The following TCAIM variants were observed in gnomAD, a reference collection of about 807,000 sequenced individuals.
TCAIM encodes T-cell activation inhibitor, mitochondrial.
A neutral mutation model predicts 58.6 loss-of-function variants in TCAIM; 36 were observed. The ratio of observed to expected loss-of-function variants is 0.61; its 90% CI spans 0.47 to 0.81. TCAIM has a LOEUF of 0.81. TCAIM is among the 30% of genes least tolerant of loss of function. The pLI is 0.00. For synonymous variants in TCAIM, 172 were observed against 193.6 expected, an observed-to-expected ratio of 0.89 and a Z score of 0.93; for missense variants, 466 against 579.6, an observed-to-expected ratio of 0.80 and a Z score of 2.01.
intron 3 of TCAIM, among the ~76,000 whole-genome samples, chr3:44,360,498 TA>T (rs527414710): frequency 7.5e-4 from 113 of 149,958 alleles, no homozygotes; most frequent in African/African-American, 1.5e-3. Flanking sequence ...ATTGTGGGTT[TA>T]AAAAAAAAAT....
chr3:44,405,718 G>A (rs2125659284), intron 10 of TCAIM, among the ~76,000 whole-genome samples: 1 of 152,040 alleles, frequency 6.6e-6, no homozygotes, highest in African/African-American at 2.4e-5. Context: ...CACTTTGGGA[G>A]GCTGAGGCGG....
chr3:44,393,076 C>T (rs1701864349), intron 6 of TCAIM, 99 bp downstream of exon 6: 3 of 985,018 alleles, frequency 3.0e-6, no homozygotes, highest in Admixed American at 4.3e-5. Context: ...TTTAATTGCT[C>T]TGATAACTGA....
chr3:44,394,905 AAAAAAAAAAAAAAAAAATATATATAT>A (rs1701899473), intron 6 of TCAIM, among the ~76,000 whole-genome samples: 1 of 48,834 alleles, frequency 2.0e-5, no homozygotes, highest in East Asian at 6.0e-4. Flanking sequence ...AAAAAAAAAA[AAAAAAAAAAAAAAAAAATATATATAT>A]ATATATATAT....
At chr3:44,341,674 TG>T (rs1480652899) in intron 1 of TCAIM, among the ~76,000 whole-genome samples, 1 of 152,158 alleles carries the variant, frequency 6.6e-6, no homozygotes, top group African/African-American at 2.4e-5. Context: ...TGACATTAGA[TG>T]GAAAAAAATT....
chr3:44,354,432 G>A (rs1701152631), intron 1 of TCAIM, among the ~76,000 whole-genome samples: 1 of 152,056 alleles, frequency 6.6e-6, no homozygotes, highest in East Asian at 1.9e-4. Context: ...GAATCCATTT[G>A]TCAGTATCCA....
Position 44,357,870 on chromosome 3 carries a change from A to G in TCAIM, c.159A>G (p.Val53=). 6.2e-7 allele frequency: 1 copy of G among 1,613,616 alleles called. No individual in the cohort carries two copies. Among genetic ancestry groups the G allele is most frequent in the Non-Finnish European group, 8.5e-7 (1 of 1,179,902 alleles). The change falls in exon 3 of 11, where the codon GTA becomes GTG. Residue 53 remains valine (V), a synonymous_variant. Transcript: ENST00000342649. ...VHPDFFGQHP[V]EREINENSLK... ...CAGATTTCTTTGGACAGCACCCCGTAGAAAGGGTAAACATTTATTTATTTT... is the reference window on the plus strand; with the variant it reads ...CAGATTTCTTTGGACAGCACCCCGTGGAAAGGGTAAACATTTATTTATTTT...
chr3:44,404,170 A>G (rs1240070925), intron 10 of TCAIM, among the ~76,000 whole-genome samples: 1 of 151,850 alleles, frequency 6.6e-6, no homozygotes, highest in Non-Finnish European at 1.5e-5. Flanking sequence ...CCCTGCTCAC[A>G]TTCCACCTTC....
intron 5 of TCAIM, among the ~76,000 whole-genome samples, chr3:44,392,092 C>G (rs1345525617): frequency 6.6e-6 from 1 of 152,124 alleles, no homozygotes; most frequent in Non-Finnish European, 1.5e-5. Flanking sequence ...AAAAAATATT[C>G]TATCTCTAGG....
rs557007420 is a variant in TCAIM at position 44,375,147 on chromosome 3, T to C, written c.572+7439T>C. ...TCTTTTTATTTGGATCTTATAACAA[T>C]ACATGTAATATATGTATTACATATT... On this transcript the variant is annotated intron_variant, in intron 5 of 10. Coordinates refer to ENST00000342649, the MANE Select transcript of TCAIM (RefSeq NM_173826.4). Among the ~76,000 whole-genome samples, 5 of 152,342 alleles carry C rather than the reference T, an allele frequency of 3.3e-5. No individual in the cohort carries two copies. The East Asian group carries it at 9.6e-4, about 29-fold the overall frequency.
At chr3:44,375,841 C>T (rs1701556724) in intron 5 of TCAIM, among the ~76,000 whole-genome samples, 1 of 152,110 alleles carries the variant, frequency 6.6e-6, no homozygotes, top group Admixed American at 6.5e-5. Flanking sequence ...TAGGTATACA[C>T]TCAAGAGAAA....
chr3:44,345,035 T>A (rs573365576), intron 1 of TCAIM, among the ~76,000 whole-genome samples: 1 of 152,314 alleles, frequency 6.6e-6, no homozygotes, highest in African/African-American at 2.4e-5. Flanking sequence ...CATTCCTGTC[T>A]TCTTACATTA....
At chr3:44,375,052 G>A (rs1368244021) in intron 5 of TCAIM, among the ~76,000 whole-genome samples, 6 of 152,060 alleles carry the variant, frequency 3.9e-5, no homozygotes, top group Non-Finnish European at 2.9e-5. Context: ...GTCCTTGTAC[G>A]TGGTATTCTG....
chr3:44,351,952 A>G (rs967367175), intron 1 of TCAIM, among the ~76,000 whole-genome samples: 6 of 151,680 alleles, frequency 4.0e-5, no homozygotes, highest in Non-Finnish European at 8.8e-5. Context: ...AAAATTTTCT[A>G]TCATTCTATT....
intron 5 of TCAIM, among the ~76,000 whole-genome samples, chr3:44,391,902 A>G (rs1057410908): frequency 7.2e-5 from 11 of 152,212 alleles, no homozygotes; most frequent in African/African-American, 2.2e-4. Context: ...CACTAGTCCC[A>G]TCAGATATGT....
intron 8 of TCAIM, 39 bp downstream of exon 8, chr3:44,396,873 C>G (rs7650644): frequency 6.4e-7 from 1 of 1,559,526 alleles, no homozygotes; most frequent in African/African-American, 1.4e-5. Context: ...CCTTGTCATT[C>G]ATAAACTTTC....
chr3:44,345,354 C>G (rs1459405170), intron 1 of TCAIM, among the ~76,000 whole-genome samples: 1 of 152,132 alleles, frequency 6.6e-6, no homozygotes, highest in Admixed American at 6.5e-5. Context: ...TATTAAAGGA[C>G]TTAAGAATTG....
chr3:44,374,340 G>T, intron 5 of TCAIM, among the ~76,000 whole-genome samples: 1 of 149,014 alleles, frequency 6.7e-6, no homozygotes, highest in African/African-American at 2.5e-5. Context: ...CTAGTAGTAA[G>T]TTTAAGTATT....
intron 5 of TCAIM, among the ~76,000 whole-genome samples, chr3:44,373,200 A>G (rs1385817552): frequency 6.6e-6 from 1 of 152,040 alleles, no homozygotes; most frequent in African/African-American, 2.4e-5. Context: ...AAAACACAAA[A>G]TGGGAGATTT....
At chr3:44,346,330 C>T (rs920235162) in intron 1 of TCAIM, among the ~76,000 whole-genome samples, 3 of 152,124 alleles carry the variant, frequency 2.0e-5, no homozygotes, top group African/African-American at 4.8e-5. Flanking sequence ...TTGTGTCTGA[C>T]AGAAGGGAAG....
Sources: gnomAD v4.1 joint callset for allele counts (sites outside exome capture counted in the v4.1 genomes callset) on GRCh38, gnomAD v4.1.1 for gene constraint, MANE v1.5 for transcripts, NCBI Gene and HGNC (gene_info 2026-07-23, HGNC 2026-07-21) for gene names.